Variants in RERE observed in about 807,000 individuals in gnomAD.
RERE encodes arginine-glutamic acid dipeptide repeats.
In RERE, 40 loss-of-function variants were observed where a neutral mutation model predicts 146.1. That is an observed-to-expected ratio of 0.27 (90% CI 0.21 to 0.36). The LOEUF (loss-of-function observed/expected upper bound fraction) is 0.36, where lower values mean the gene tolerates loss of function less well. Among genes scored for constraint, RERE ranks in the 10% least tolerant of loss-of-function variants. The pLI is 1.00. For synonymous variants in RERE, 1,003 were observed against 866.0 expected (o/e 1.16, Z -2.78); for missense variants, 1,933 against 2,138.7 (o/e 0.90, Z 1.90).
intron 12 of RERE, among the ~76,000 whole-genome samples, chr1:8,369,508 T>TTAAAAAA (rs1285019668): frequency 9.1e-5 from 7 of 76,900 alleles, no homozygotes; most frequent in African/African-American, 1.7e-4. Flanking sequence ...CGCCTTTTAC[T>TTAAAAAA]AAAAAAAAAA....
intron 1 of RERE, among the ~76,000 whole-genome samples, chr1:8,771,334 C>G (rs1364957744): frequency 6.6e-6 from 1 of 150,840 alleles, no homozygotes; most frequent in Non-Finnish European, 1.5e-5. Flanking sequence ...CCAGCCTGGC[C>G]AACATGACAA....
chr1:8,722,977 T>G (rs984192889), intron 1 of RERE, among the ~76,000 whole-genome samples: 9 of 152,192 alleles, frequency 5.9e-5, no homozygotes, highest in Non-Finnish European at 1.0e-4. Flanking sequence ...ACATGGAAAT[T>G]CAATTAATCA....
rs1247840812 is a variant in RERE at position 8,354,255 on chromosome 1, C to G, written c.*832G>C. On this transcript the variant is annotated 3_prime_UTR_variant, in exon 23 of 23. Coordinates refer to ENST00000400908, the MANE Select transcript of RERE (RefSeq NM_001042681.2). The stretch of plus-strand genomic sequence containing the variant: ...AGATGTCTGTGCTGCTGGCAGAGCA[C>G]AGGCTAGGAGCAGACACAAGTGAAA... 6.6e-6 allele frequency: 1 copy of G among 152,600 alleles called. No homozygotes were observed. Among genetic ancestry groups the G allele is most frequent in the Non-Finnish European group, 1.5e-5 (1 of 68,048 alleles). The allele number at this position is 152,600 out of a possible 1,614,324, so 9.5% of individuals were successfully genotyped here.
intron 12 of RERE, among the ~76,000 whole-genome samples, chr1:8,418,241 G>C (rs958293556): frequency 6.6e-6 from 1 of 152,222 alleles, no homozygotes; most frequent in East Asian, 1.9e-4. Context: ...GAATGAAAAT[G>C]AGTTTCCAGT....
intron 1 of RERE, among the ~76,000 whole-genome samples, chr1:8,776,944 G>A (rs753199420): frequency 6.6e-6 from 1 of 151,844 alleles, no homozygotes; most frequent in East Asian, 1.9e-4. Flanking sequence ...GCCCAGGCTG[G>A]TCTCGAACTC....
chr1:8,468,279 ACTAT>A (rs1344727238), intron 10 of RERE, among the ~76,000 whole-genome samples: 4 of 152,206 alleles, frequency 2.6e-5, no homozygotes, highest in African/African-American at 9.7e-5. Context: ...ATGTTTGAAA[ACTAT>A]CCAACCTAGG....
At chr1:8,485,128 A>C (rs575883445) in intron 10 of RERE, among the ~76,000 whole-genome samples, 8 of 152,290 alleles carry the variant, frequency 5.3e-5, no homozygotes, top group Non-Finnish European at 7.4e-5. Context: ...TTGGGAAGCC[A>C]AGGTGGGCAG....
chr1:8,659,328 G>A (rs549507625), intron 1 of RERE, among the ~76,000 whole-genome samples: 20 of 152,226 alleles, frequency 1.3e-4, no homozygotes, highest in Non-Finnish European at 2.1e-4. Flanking sequence ...AGGCTGAAGC[G>A]GGCGGATCAC....
At chr1:8,466,119 AAG>A in intron 10 of RERE, 96 bp from the exon 11 acceptor site, 3 of 1,017,386 alleles carry the variant, frequency 2.9e-6, no homozygotes, top group Non-Finnish European at 4.3e-6. Flanking sequence ...TCTCCCACAG[AAG>A]AGTCAGGAAA....
chr1:8,551,319 A>G (rs948660488), intron 6 of RERE, among the ~76,000 whole-genome samples: 81 of 152,278 alleles, frequency 5.3e-4, no homozygotes, highest in African/African-American at 1.9e-3. Context: ...TCACAAAGCA[A>G]TCACTCCAGA....
At chr1:8,711,539 C>T (rs1293597545) in intron 1 of RERE, among the ~76,000 whole-genome samples, 6 of 152,102 alleles carry the variant, frequency 3.9e-5, no homozygotes, top group South Asian at 2.1e-4. Context: ...TCCAATAGAG[C>T]GATACGTTGA....
At chr1:8,704,962 C>T (rs1054282898) in intron 1 of RERE, among the ~76,000 whole-genome samples, 8 of 152,212 alleles carry the variant, frequency 5.3e-5, no homozygotes, top group African/African-American at 1.7e-4. Flanking sequence ...AAATCTGCTT[C>T]ATATCCAAGT....
At chr1:8,751,120 C>G in intron 1 of RERE, 3 of 405,156 alleles carry the variant, frequency 7.4e-6, no homozygotes, top group Non-Finnish European at 1.4e-5. Flanking sequence ...TAAGCTGCTC[C>G]AAAGTGCTTG....
rs2124378711 is a variant in RERE at position 8,365,879 on chromosome 1, C to T, written c.1380G>A (p.Arg460=). ...HRRHRRQAVF[R]RIKTRTASTP... ...TGGACGCGGTGCGAGTCTTAATCCTCCTGAACACGGCCTGCCTGCGGTGCC... is the reference window on the plus strand; with the variant it reads ...TGGACGCGGTGCGAGTCTTAATCCTTCTGAACACGGCCTGCCTGCGGTGCC... The change falls in exon 13 of 23, where the codon AGG becomes AGA. Residue 460 remains arginine, a synonymous_variant. Transcript: ENST00000400908. The T allele has an allele frequency of 6.2e-7, 1 of 1,614,136 alleles. No homozygotes were observed. Among genetic ancestry groups the T allele is most frequent in the South Asian group, 1.1e-5 (1 of 91,076 alleles).
intron 1 of RERE, among the ~76,000 whole-genome samples, chr1:8,782,388 C>T (rs751385327): frequency 9.9e-5 from 15 of 152,198 alleles, no homozygotes; most frequent in Admixed American, 4.6e-4. Context: ...GACTTTTTAA[C>T]GTCCCTGGAC....
Position 8,593,927 on chromosome 1 carries a change from A to G in RERE, c.522+20634T>C, listed in dbSNP as rs562657666. Among the ~76,000 whole-genome samples, 32 of 152,264 alleles carry G rather than the reference A, an allele frequency of 2.1e-4. No individual in the cohort carries two copies. The South Asian group carries it at 6.0e-3, about 29-fold the overall frequency. On this transcript the variant is annotated intron_variant, in intron 4 of 22. Coordinates refer to ENST00000400908, the MANE Select transcript of RERE (RefSeq NM_001042681.2). ...CAGACAGGAGGAGACTAGATACCTG[A>G]GGTTTAGGTCACTCTACCAACCCGG...
chr1:8,563,784 G>A (rs1646105808), intron 4 of RERE, among the ~76,000 whole-genome samples: 2 of 152,160 alleles, frequency 1.3e-5, no homozygotes, highest in Non-Finnish European at 2.9e-5. Flanking sequence ...GGGATGAAGT[G>A]GCTAACATGT....
chr1:8,490,355 AAAAAG>A lies in RERE; in HGVS notation c.1104+4703_1104+4707del, dbSNP rs1553173833. ...CTGGGCAACATCTCAAAAAAAAAAA[AAAAAG>A]AAAAGAAAAGAAAAGAAACCTGTTT... On this transcript the variant is annotated intron_variant, in intron 10 of 22. Transcript: ENST00000400908. Among the ~76,000 whole-genome samples the A allele has an allele frequency of 4.3e-3, 645 of 148,368 alleles. 6 individuals are homozygous for A. Among genetic ancestry groups the A allele is most frequent in the Non-Finnish European group, 6.1e-3 (411 of 67,814 alleles).
At chr1:8,770,576 C>G (rs1242357728) in intron 1 of RERE, among the ~76,000 whole-genome samples, 1 of 152,186 alleles carries the variant, frequency 6.6e-6, no homozygotes, top group African/African-American at 2.4e-5. Context: ...CTATACTTAA[C>G]AATCCATGAA....
Sources: gnomAD v4.1 joint callset for allele counts (sites outside exome capture counted in the v4.1 genomes callset) on GRCh38, gnomAD v4.1.1 for gene constraint, MANE v1.5 for transcripts, NCBI Gene and HGNC (gene_info 2026-07-23, HGNC 2026-07-21) for gene names.